The following TRIM50 variants were observed in gnomAD, a reference collection of about 807,000 sequenced individuals.
The protein encoded by TRIM50 is E3 ubiquitin-protein ligase TRIM50.
Under a neutral mutation model 44.9 loss-of-function variants are expected in TRIM50, and 34 were observed. That is an observed-to-expected ratio of 0.76 (90% CI 0.58 to 1.01). TRIM50 has a LOEUF of 1.01. TRIM50 is among the 50% of genes least tolerant of loss of function. The pLI, the probability that TRIM50 is intolerant of heterozygous loss-of-function variation, is 0.00. For synonymous variants in TRIM50, 307 were observed against 291.1 expected (o/e 1.05, Z -0.56); for missense variants, 633 against 663.7 (o/e 0.95, Z 0.51).
intron 3 of TRIM50, 83 bp from the exon 4 acceptor site, chr7:73,319,135 T>C: frequency 6.2e-7 from 1 of 1,605,442 alleles, no homozygotes; most frequent in South Asian, 1.1e-5. Context: ...CCCCAGGGCC[T>C]TCCTGACCGG....
rs782659226 is a variant in TRIM50 at position 73,312,952 on chromosome 7, G to A, written c.1433C>T (p.Pro478Leu). 33 of 1,549,270 alleles carry A rather than the reference G, an allele frequency of 2.1e-5. 1 individual carries two copies. The African/African-American group carries it at 3.4e-4, about 16-fold the overall frequency. The part of the protein sequence containing the change: ...MVLPPPSGPG[P>L]LSPEQPTKL ...CTTGGTGGGCTGCTCGGGGCTGAGG[G>A]GGCCAGGCCCGCTGGGCGGGGGCAG... The change falls in exon 7 of 7, where the codon CCC becomes CTC. Residue 478 changes from proline to leucine, a missense_variant. Transcript: ENST00000333149.
At chr7:73,316,923 G>A in intron 5 of TRIM50, 1 of 455,558 alleles carries the variant, frequency 2.2e-6, no homozygotes. Context: ...GGGACCAGCA[G>A]TGTTGGTTGG....
chr7:73,326,882 C>G (rs1360057044), intron 1 of TRIM50, among the ~76,000 whole-genome samples: 10 of 152,194 alleles, frequency 6.6e-5, no homozygotes, highest in Admixed American at 1.3e-4. Context: ...CTCCGCCTCC[C>G]GGGTTCAAGT....
rs782191300 is a variant in TRIM50 at position 73,318,892 on chromosome 7, C to T, written c.656G>A (p.Arg219Gln). ...ACACTCGGCTTGGGCCAGCCGCTCC[C>T]GGGTTCCCTGGGCCTGCTCCAGCTG... Reference protein sequence around the residue: ...DMQLEQAQGTRERLAQAECVL... With the variant: ...DMQLEQAQGTQERLAQAECVL... Residue 219 changes from arginine (R) to glutamine (Q), a missense_variant, in exon 4 of 7, where the codon CGG (arginine) becomes CAG (glutamine). Coordinates refer to ENST00000333149, the MANE Select transcript of TRIM50 (RefSeq NM_178125.3). The T allele has an allele frequency of 1.2e-5, 20 of 1,613,858 alleles. No individual in the cohort carries two copies. The highest frequency in any genetic ancestry group is 2.7e-5 in the African/African-American group (2 of 74,926).
chr7:73,324,976 CAA>C (rs1421683909), intron 1 of TRIM50, among the ~76,000 whole-genome samples, 171 bp from the exon 2 acceptor site: 7 of 150,878 alleles, frequency 4.6e-5, no homozygotes, highest in African/African-American at 7.3e-5. Context: ...AGCTGTAAAA[CAA>C]AAGACTGCAG....
intron 5 of TRIM50, 85 bp from the exon 6 acceptor site, chr7:73,316,774 A>C: frequency 6.4e-7 from 1 of 1,561,214 alleles, no homozygotes; most frequent in Non-Finnish European, 8.7e-7. Context: ...TTGCCCAGCC[A>C]GATCCACAGT....
At position 73,320,179 on chromosome 7, in the gene TRIM50, C is replaced by T. The variant is rs539646371; in HGVS notation, c.463G>A (p.Ala155Thr). Reference protein sequence around the residue: ...QEQKKVDELIAKLVNNRTRIV... With the variant: ...QEQKKVDELITKLVNNRTRIV... The stretch of plus-strand genomic sequence containing the variant: ...CGGGTCCGGTTGTTCACCAGTTTGG[C>T]GATGAGCTCATCCACCTTTTTCTGC... Residue 155 changes from alanine to threonine, a missense_variant, in exon 3 of 7, where the codon GCC becomes ACC. Physicochemically the swap from Ala to Thr is moderately conservative, Grantham distance 58. Coordinates refer to ENST00000333149, the MANE Select transcript of TRIM50 (RefSeq NM_178125.3). 2.8e-5 allele frequency: 45 copies of T among 1,613,968 alleles called. No homozygotes were observed. In the Admixed American group the frequency reaches 3.7e-4, roughly 13 times the overall value.
intron 2 of TRIM50, among the ~76,000 whole-genome samples, chr7:73,320,810 C>T (rs1227008484): frequency 6.7e-6 from 1 of 148,488 alleles, no homozygotes; most frequent in African/African-American, 2.5e-5. Context: ...AGTGGATCAC[C>T]TGAGGTCAGG....
intron 1 of TRIM50, among the ~76,000 whole-genome samples, chr7:73,325,781 G>A (rs1475986987): frequency 2.0e-5 from 3 of 152,022 alleles, no homozygotes. Context: ...CAGAGGGACT[G>A]GGTACACCGT....
intron 3 of TRIM50, 39 bp from the exon 4 acceptor site, chr7:73,319,091 G>C (rs1181647818): frequency 1.9e-6 from 3 of 1,613,822 alleles, no homozygotes; most frequent in South Asian, 1.1e-5. Context: ...AGTCACAGCC[G>C]AGCTGCCAGG....
Position 73,320,195 on chromosome 7 carries a change from C to A in TRIM50, c.447G>T (p.Lys149Asn). The A allele has an allele frequency of 6.2e-7, 1 of 1,613,990 alleles. No individual in the cohort carries two copies. Among genetic ancestry groups the A allele is most frequent in the Non-Finnish European group, 8.5e-7 (1 of 1,179,874 alleles). The change falls in exon 3 of 7, where the codon AAG (lysine) becomes AAT (asparagine). Residue 149 changes from lysine (K) to asparagine (N), a missense_variant. Coordinates refer to ENST00000333149, the MANE Select transcript of TRIM50 (RefSeq NM_178125.3). ...CCAGTTTGGCGATGAGCTCATCCAC[C>A]TTTTTCTGCTCCTGCTTCAGCTCAG... ...LISELKQEQK[K>N]VDELIAKLVN...
intron 5 of TRIM50, among the ~76,000 whole-genome samples, chr7:73,317,336 G>C (rs147881158): frequency 6.9e-6 from 1 of 144,760 alleles, no homozygotes; most frequent in Admixed American, 6.9e-5. Flanking sequence ...TTACAGCTAT[G>C]AGCCACCATG....
rs376728009 is a variant in TRIM50 at position 73,320,146 on chromosome 7, C to G, written c.495+1G>C. 1.9e-6 allele frequency: 3 copies of G among 1,612,274 alleles called. No homozygotes were observed. The highest frequency in any genetic ancestry group is 1.7e-6 in the Non-Finnish European group (2 of 1,179,864). On this transcript the variant is annotated splice_donor_variant, in intron 3 of 6. Coordinates refer to ENST00000333149, the MANE Select transcript of TRIM50 (RefSeq NM_178125.3). LOFTEE classifies it high-confidence loss of function. Reference sequence around the variant, plus strand: ...CAGGGGCAGAGGGAAGGGGCACTCACGACGATTCGGGTCCGGTTGTTCACC... The same window carrying G: ...CAGGGGCAGAGGGAAGGGGCACTCAGGACGATTCGGGTCCGGTTGTTCACC...
chr7:73,312,871 C>T lies in TRIM50; in HGVS notation c.*50G>A, dbSNP rs782006148. On this transcript the variant is annotated 3_prime_UTR_variant, in exon 7 of 7. Transcript: ENST00000333149. Reference sequence around the variant, plus strand: ...GGACCCAGCAGAAGCCCGCGAGTCCCCGGTGCCCCGCCGGGATGGGCCTGT... The same window carrying T: ...GGACCCAGCAGAAGCCCGCGAGTCCTCGGTGCCCCGCCGGGATGGGCCTGT... 1.6e-4 allele frequency: 235 copies of T among 1,428,032 alleles called. No individual in the cohort carries two copies. The highest frequency in any genetic ancestry group is 1.1e-4 in the Non-Finnish European group (120 of 1,080,502). 88.5% of individuals were successfully genotyped at this position (1,428,032 alleles called of 1,614,324 possible).
At chr7:73,319,436 G>C (rs1192433108) in intron 3 of TRIM50, among the ~76,000 whole-genome samples, 1 of 152,090 alleles carries the variant, frequency 6.6e-6, no homozygotes, top group African/African-American at 2.4e-5. Flanking sequence ...TGGGATTACA[G>C]ATGCACGCCA....
At chr7:73,324,077 G>A (rs1256983146) in intron 2 of TRIM50, among the ~76,000 whole-genome samples, 3 of 151,564 alleles carry the variant, frequency 2.0e-5, no homozygotes, top group Non-Finnish European at 2.9e-5. Context: ...AGAGGGAGAG[G>A]GAGAGGAAGA....
At chr7:73,318,034 C>T (rs1276828491) in intron 5 of TRIM50, among the ~76,000 whole-genome samples, 7 of 152,208 alleles carry the variant, frequency 4.6e-5, no homozygotes, top group African/African-American at 1.7e-4. Flanking sequence ...ACCGTTTCCT[C>T]GGCTTGCCTG....
In TRIM50 at chr7:73,312,938, GC is replaced by G; in HGVS notation, c.1446del (p.Glu482AspfsTer34). ...PPSGPGPLSP[E>X]QPTKL ...GGGCGGCCCTACAGCTTGGTGGGCTGCTCGGGGCTGAGGGGGCCAGGCCCGC... is the reference window on the plus strand; with the variant it reads ...GGGCGGCCCTACAGCTTGGTGGGCTGTCGGGGCTGAGGGGGCCAGGCCCGC... On this transcript the variant is annotated frameshift_variant, in exon 7 of 7. Coordinates refer to ENST00000333149, the MANE Select transcript of TRIM50 (RefSeq NM_178125.3). LOFTEE classifies it high-confidence loss of function. The G allele has an allele frequency of 6.5e-7, 1 of 1,546,274 alleles. No homozygotes were observed. Among genetic ancestry groups the G allele is most frequent in the Non-Finnish European group, 8.7e-7 (1 of 1,145,246 alleles).
chr7:73,324,838 C>T (rs1554545772), intron 1 of TRIM50, 33 bp from the exon 2 acceptor site: 1 of 1,610,114 alleles, frequency 6.2e-7, no homozygotes, highest in African/African-American at 1.3e-5. Flanking sequence ...CAGTCCTGTC[C>T]CCTCCCCTCC....
Sources: gnomAD v4.1 joint callset for allele counts (sites outside exome capture counted in the v4.1 genomes callset) on GRCh38, gnomAD v4.1.1 for gene constraint, MANE v1.5 for transcripts, NCBI Gene and HGNC (gene_info 2026-07-23, HGNC 2026-07-21) for gene names.